The following HOMER2 variants were observed in gnomAD, a reference collection of about 807,000 sequenced individuals.
HOMER2 encodes the protein homer protein homolog 2.
HOMER2 carries 27 observed loss-of-function variants against 47.0 expected under a neutral mutation model. The ratio of observed to expected loss-of-function variants is 0.57; its 90% CI spans 0.42 to 0.79. HOMER2 has a LOEUF of 0.79. Ranked by LOEUF, HOMER2 falls within the 30% of genes least tolerant of loss-of-function variation. The pLI, the probability that HOMER2 is intolerant of heterozygous loss-of-function variation, is 0.00. For synonymous variants in HOMER2, 161 were observed against 163.8 expected, an observed-to-expected ratio of 0.98 and a Z score of 0.13; for missense variants, 443 against 435.0, an observed-to-expected ratio of 1.02 and a Z score of -0.16.
chr15:82,961,757 A>G (rs2054632252), intron 1 of HOMER2, among the ~76,000 whole-genome samples: 1 of 152,088 alleles, frequency 6.6e-6, no homozygotes, highest in Admixed American at 6.5e-5. Flanking sequence ...CTTCTCCATT[A>G]TCCCAAACCA....
chr15:82,974,021 CCAGGATGCAGAGGTTGCAGTGCA>C (rs2030105953), intron 1 of HOMER2, among the ~76,000 whole-genome samples: 3 of 151,468 alleles, frequency 2.0e-5, no homozygotes, highest in Non-Finnish European at 4.4e-5. Flanking sequence ...TCACTTGAAC[CCAGGATGCAGAGGTTGCAGTGCA>C]CAGAGATCGT....
intron 3 of HOMER2, among the ~76,000 whole-genome samples, chr15:82,867,922 C>G (rs2052028752): frequency 6.6e-6 from 1 of 152,122 alleles, no homozygotes; most frequent in Non-Finnish European, 1.5e-5. Context: ...AACTTCCTCT[C>G]AAAGCCTCCA....
chr15:82,941,949 C>G (rs2054276491), intron 1 of HOMER2, among the ~76,000 whole-genome samples: 1 of 152,170 alleles, frequency 6.6e-6, no homozygotes, highest in Non-Finnish European at 1.5e-5. Flanking sequence ...TCCAGTCACA[C>G]AGGCAGTGAA....
At chr15:82,905,992 T>C (rs916787131) in intron 1 of HOMER2, among the ~76,000 whole-genome samples, 9 of 152,202 alleles carry the variant, frequency 5.9e-5, no homozygotes, top group Middle Eastern at 6.3e-3. Context: ...TATATATGCT[T>C]ATATGTAAAT....
At chr15:82,850,367 C>T (rs766909223) in intron 8 of HOMER2, among the ~76,000 whole-genome samples, 18 of 152,212 alleles carry the variant, frequency 1.2e-4, no homozygotes, top group Non-Finnish European at 2.4e-4. Flanking sequence ...AGCCTCTGGC[C>T]CTCAGAGAGG....
chr15:82,849,478 A>T lies in HOMER2; in HGVS notation c.*237T>A. 2 of 551,994 alleles carry T rather than the reference A, an allele frequency of 3.6e-6. No individual in the cohort carries two copies. The highest frequency in any genetic ancestry group is 6.4e-6 in the Non-Finnish European group (2 of 310,930). The allele number at this position is 551,994 out of a possible 1,614,324, so 34.2% of individuals were successfully genotyped here. On this transcript the variant is annotated 3_prime_UTR_variant, in exon 9 of 9. Transcript: ENST00000450735. ...CTGACTGCATAAATGTTGAAGGTAG[A>T]CCTAGTTCTGGATTCCTGAGTCAGA... is the stretch of plus-strand genomic sequence containing the variant.
intron 1 of HOMER2, among the ~76,000 whole-genome samples, chr15:82,894,067 A>AG (rs5814132): frequency 0.61 from 93,482 of 152,010 alleles, 29,220 homozygotes; most frequent in African/African-American, 0.72. Context: ...AGTTTTATGT[A>AG]AATTCATCAA....
intron 4 of HOMER2, among the ~76,000 whole-genome samples, chr15:82,862,330 T>C (rs1031857946): frequency 2.0e-5 from 3 of 152,212 alleles, no homozygotes; most frequent in Non-Finnish European, 4.4e-5. Context: ...TTATTAGGTA[T>C]ACATGTATTT....
At chr15:82,919,508 T>C (rs2053675358) in intron 1 of HOMER2, among the ~76,000 whole-genome samples, 1 of 152,216 alleles carries the variant, frequency 6.6e-6, no homozygotes, top group South Asian at 2.1e-4. Flanking sequence ...ACTAGTATAA[T>C]AATCCAATTA....
intron 3 of HOMER2, among the ~76,000 whole-genome samples, chr15:82,870,885 C>A (rs976315817): frequency 6.6e-6 from 1 of 152,220 alleles, no homozygotes; most frequent in Non-Finnish European, 1.5e-5. Context: ...CCATTAAGGG[C>A]AGAATATGTT....
At chr15:82,841,076 G>T (rs2051171517) in exon 2 of HOMER2, 2 of 151,940 alleles carry the variant, frequency 1.3e-5, no homozygotes, top group Non-Finnish European at 2.9e-5. Context: ...ACCAAATCCA[G>T]AAGAATTTCA....
chr15:82,974,943 G>A (rs981695673), intron 1 of HOMER2, among the ~76,000 whole-genome samples: 5 of 152,076 alleles, frequency 3.3e-5, no homozygotes, highest in Non-Finnish European at 7.4e-5. Context: ...GGTGGTGGGC[G>A]CCTGTAATCC....
At chr15:82,963,136 G>A (rs144246292) in intron 1 of HOMER2, among the ~76,000 whole-genome samples, 1 of 152,304 alleles carries the variant, frequency 6.6e-6, no homozygotes, top group East Asian at 1.9e-4. Context: ...CCAGGCTAGC[G>A]TGTAGTGGTG....
At chr15:82,934,674 G>A (rs1019879142) in intron 1 of HOMER2, among the ~76,000 whole-genome samples, 4 of 152,028 alleles carry the variant, frequency 2.6e-5, no homozygotes, top group East Asian at 1.9e-4. Flanking sequence ...CTGCCTGGCC[G>A]AACCCCAGCC....
chr15:82,874,324 C>G (rs1165616816), intron 3 of HOMER2, among the ~76,000 whole-genome samples: 1 of 152,248 alleles, frequency 6.6e-6, no homozygotes, highest in African/African-American at 2.4e-5. Flanking sequence ...CTCCAACATT[C>G]TTCCAATAAA....
intron 1 of HOMER2, among the ~76,000 whole-genome samples, chr15:82,907,675 G>A (rs2053329820): frequency 6.6e-6 from 1 of 152,160 alleles, no homozygotes. Context: ...AGAGTAGATT[G>A]CATGTTCTTT....
intron 1 of HOMER2, among the ~76,000 whole-genome samples, chr15:82,893,361 C>G (rs184532506): frequency 8.3e-6 from 1 of 120,938 alleles, no homozygotes; most frequent in African/African-American, 3.2e-5. Context: ...GATATAGAGT[C>G]TCGCTCTGTT....
At chr15:82,985,942 G>T, upstream of HOMER2, 1 of 453,988 alleles carries the variant, frequency 2.2e-6, no homozygotes, top group Non-Finnish European at 2.9e-6. Flanking sequence ...GTGATTCCCA[G>T]AACTTCCGTC....
intron 2 of HOMER2, among the ~76,000 whole-genome samples, chr15:82,882,224 T>C (rs939423832): frequency 1.4e-5 from 2 of 142,890 alleles, no homozygotes; most frequent in African/African-American, 5.3e-5. Context: ...TTTGGGTCCT[T>C]GGGTCCCCCC....
Sources: gnomAD v4.1 joint callset for allele counts (sites outside exome capture counted in the v4.1 genomes callset) on GRCh38, gnomAD v4.1.1 for gene constraint, MANE v1.5 for transcripts, NCBI Gene and HGNC (gene_info 2026-07-23, HGNC 2026-07-21) for gene names.